Variants in CPNE5 observed in about 807,000 individuals in gnomAD.
CPNE5 encodes copine 5.
A neutral mutation model predicts 81.1 loss-of-function variants in CPNE5; 42 were observed. The ratio of observed to expected loss-of-function variants is 0.52; its 90% CI spans 0.40 to 0.67. The LOEUF is 0.67. Among genes scored for constraint, CPNE5 ranks in the 30% least tolerant of loss-of-function variants. CPNE5 has a pLI of 0.00. For synonymous variants in CPNE5, 313 were observed against 321.5 expected, an observed-to-expected ratio of 0.97 and a Z score of 0.28; for missense variants, 612 against 815.5, an observed-to-expected ratio of 0.75 and a Z score of 3.04.
chr6:36,751,008 G>C (rs571987609), intron 14 of CPNE5, among the ~76,000 whole-genome samples: 2 of 152,224 alleles, frequency 1.3e-5, no homozygotes, highest in Non-Finnish European at 2.9e-5. Flanking sequence ...TCTGACAGTG[G>C]GGCCAAAGTA....
intron 8 of CPNE5, among the ~76,000 whole-genome samples, chr6:36,787,827 C>T (rs1768704791): frequency 2.0e-5 from 3 of 152,258 alleles, no homozygotes; most frequent in East Asian, 1.9e-4. Flanking sequence ...TCCATGACCA[C>T]CGCCACCATC....
intron 14 of CPNE5, among the ~76,000 whole-genome samples, chr6:36,750,032 C>G (rs1347007296): frequency 6.6e-6 from 1 of 152,192 alleles, no homozygotes; most frequent in Non-Finnish European, 1.5e-5. Context: ...GGGCTCCACC[C>G]CAGAAATGCC....
Position 36,778,976 on chromosome 6 carries a change from A to G in CPNE5, c.529-19T>C, listed in dbSNP as rs1395036065. ...CGACATCCTGGTGGGAGGGAGGGAG[A>G]ACGGGGTGTGAGGCAGGAGAAAGTG... is the stretch of plus-strand genomic sequence containing the variant. On this transcript the variant is annotated intron_variant, in intron 8 of 20. Transcript: ENST00000244751. 9 of 1,545,348 alleles carry G rather than the reference A, an allele frequency of 5.8e-6. No homozygotes were observed. Among genetic ancestry groups the G allele is most frequent in the Non-Finnish European group, 8.0e-6 (9 of 1,119,716 alleles).
intron 8 of CPNE5, among the ~76,000 whole-genome samples, chr6:36,784,706 C>A (rs1372505753): frequency 6.6e-6 from 1 of 152,120 alleles, no homozygotes; most frequent in African/African-American, 2.4e-5. Context: ...CTTTGGGAGG[C>A]CGAAGTAGGA....
chr6:36,830,374 A>G (rs236361), intron 1 of CPNE5, among the ~76,000 whole-genome samples: 91,006 of 151,906 alleles, frequency 0.6, 28,562 homozygotes, highest in African/African-American at 0.79. Flanking sequence ...CCTCCTGCCC[A>G]GCTCCCAGAC....
intron 8 of CPNE5, among the ~76,000 whole-genome samples, chr6:36,791,468 C>A (rs1327261495): frequency 1.3e-5 from 2 of 152,184 alleles, no homozygotes; most frequent in Admixed American, 1.3e-4. Flanking sequence ...TGAGCCCCTT[C>A]TTTGTGTGCT....
chr6:36,815,710 T>C (rs554402198), intron 3 of CPNE5, among the ~76,000 whole-genome samples: 157 of 152,374 alleles, frequency 1.0e-3, no homozygotes, highest in Non-Finnish European at 2.1e-3. Context: ...ACATGTCAAG[T>C]TGCCCCGAGG....
chr6:36,829,365 T>C (rs1170888754), intron 1 of CPNE5, among the ~76,000 whole-genome samples: 1 of 151,800 alleles, frequency 6.6e-6, no homozygotes, highest in East Asian at 1.9e-4. Context: ...GGTGTGGTGG[T>C]GTGTATCTGT....
chr6:36,788,560 C>T (rs548571400), intron 8 of CPNE5, among the ~76,000 whole-genome samples: 1 of 146,870 alleles, frequency 6.8e-6, no homozygotes, highest in African/African-American at 2.5e-5. Flanking sequence ...ACCCAGCCCC[C>T]CAGCCTTGCA....
At chr6:36,763,728 T>C (rs1018082312) in intron 11 of CPNE5, among the ~76,000 whole-genome samples, 2 of 152,134 alleles carry the variant, frequency 1.3e-5, no homozygotes, top group Admixed American at 6.5e-5. Flanking sequence ...TAAAATGCCA[T>C]GAAGTCTATA....
intron 1 of CPNE5, among the ~76,000 whole-genome samples, chr6:36,835,780 G>T (rs369980732): frequency 5.3e-5 from 8 of 151,550 alleles, no homozygotes; most frequent in African/African-American, 1.9e-4. Context: ...CTCCAGCCTG[G>T]GCAACAGAGC....
At chr6:36,807,776 T>C (rs1770729604) in intron 3 of CPNE5, among the ~76,000 whole-genome samples, 1 of 152,022 alleles carries the variant, frequency 6.6e-6, no homozygotes, top group Admixed American at 6.6e-5. Context: ...CAAACCGACT[T>C]CTCCATCAGG....
chr6:36,805,243 A>G (rs147842333), intron 3 of CPNE5, among the ~76,000 whole-genome samples: 332 of 152,116 alleles, frequency 2.2e-3, no homozygotes, highest in African/African-American at 6.8e-3. Context: ...ATGGCATGCA[A>G]TCTAACTGCT....
intron 3 of CPNE5, among the ~76,000 whole-genome samples, chr6:36,816,042 G>A (rs990784453): frequency 6.6e-6 from 1 of 152,196 alleles, no homozygotes; most frequent in African/African-American, 2.4e-5. Context: ...GCATTTCTGG[G>A]ACTCTTCCCA....
chr6:36,793,094 G>A (rs181316506), intron 7 of CPNE5, among the ~76,000 whole-genome samples: 140 of 152,218 alleles, frequency 9.2e-4, no homozygotes, highest in Non-Finnish European at 1.7e-3. Context: ...ATTGTGCAAC[G>A]CTGGTAAAAT....
intron 13 of CPNE5, among the ~76,000 whole-genome samples, chr6:36,753,851 T>A (rs929056): frequency 0.077 from 11,705 of 152,306 alleles, 562 homozygotes; most frequent in Middle Eastern, 0.13. Flanking sequence ...AGGCCAATTA[T>A]ATGAGACAAG....
intron 10 of CPNE5, among the ~76,000 whole-genome samples, chr6:36,769,829 G>A (rs552477970): frequency 1.3e-5 from 2 of 152,256 alleles, no homozygotes; most frequent in African/African-American, 4.8e-5. Flanking sequence ...TGGCCCTCCT[G>A]GGAGCTCATC....
At chr6:36,797,753 G>C (rs1238775010) in intron 6 of CPNE5, among the ~76,000 whole-genome samples, 1 of 152,202 alleles carries the variant, frequency 6.6e-6, no homozygotes, top group Non-Finnish European at 1.5e-5. Flanking sequence ...TACAAGCTGT[G>C]AACAATCTTA....
intron 1 of CPNE5, among the ~76,000 whole-genome samples, chr6:36,826,903 A>G (rs1772548177): frequency 6.6e-6 from 1 of 152,098 alleles, no homozygotes; most frequent in African/African-American, 2.4e-5. Context: ...GGGGTGGGGC[A>G]CAGTAAAAAT....
Sources: gnomAD v4.1 joint callset for allele counts (sites outside exome capture counted in the v4.1 genomes callset) on GRCh38, gnomAD v4.1.1 for gene constraint, MANE v1.5 for transcripts, NCBI Gene and HGNC (gene_info 2026-07-23, HGNC 2026-07-21) for gene names.